TF: variants seen among roughly 807,000 people sequenced by gnomAD.
TF encodes the protein transferrin.
A neutral mutation model predicts 82.4 loss-of-function variants in TF; 55 were observed. That is an observed-to-expected ratio of 0.67 (90% CI 0.54 to 0.84). TF has a LOEUF of 0.84. Among genes scored for constraint, TF ranks in the 40% least tolerant of loss-of-function variants. The probability of loss-of-function intolerance (pLI) is 0.00; values close to 1 mark genes in which losing one functional copy is unlikely to be tolerated. For missense variants in TF, 737 were observed against 868.4 expected, an observed-to-expected ratio of 0.85 and a Z score of 1.90; for synonymous variants, 332 against 332.6, an observed-to-expected ratio of 1.00 and a Z score of 0.02.
rs1304527527 is a variant in TF, at chr3:133,785,368, C to T, written c.*6748C>T. ...GAGGTGGGGGGGTCAGCCCCCCGCC[C>T]GGCCAGCCGCCCTGTCCGGGAGGGA... On this transcript the variant is annotated 3_prime_UTR_variant, in exon 17 of 17. Transcript: ENST00000402696. 9.3e-5 allele frequency: 10 copies of T among 107,652 alleles called. No individual in the cohort carries two copies. The highest frequency in any genetic ancestry group is 3.4e-4 in the East Asian group (1 of 2,976). The allele number at this position is 107,652 out of a possible 1,614,324, so 6.7% of individuals were successfully genotyped here. A position where few individuals can be genotyped will look rare whatever the true frequency, so the allele number is the denominator to read the frequency against.
intron 5 of TF, 52 bp downstream of exon 5, chr3:133,755,547 G>A: frequency 1.2e-6 from 2 of 1,611,292 alleles, no homozygotes; most frequent in Non-Finnish European, 1.7e-6. Flanking sequence ...AATGTCCTCA[G>A]GGTGAGAGTT....
At chr3:133,716,537 G>A in the TF span, among the ~76,000 whole-genome samples, 4 of 151,914 alleles carry the variant, frequency 2.6e-5, no homozygotes, top group Non-Finnish European at 4.4e-5. Flanking sequence ...ATCCAGAATC[G>A]ATCTCTCTGC....
Position 133,768,173 on chromosome 3 carries a change from T to G in TF, c.1622+9T>G. ...TACACAGGCGCTTTCAGGTGAGTCTTTTAACCCTGAAACAAATAGAATAAT... is the reference window on the plus strand; with the variant it reads ...TACACAGGCGCTTTCAGGTGAGTCTGTTAACCCTGAAACAAATAGAATAAT... On this transcript the variant is annotated intron_variant, in intron 13 of 16. Transcript: ENST00000402696. The G allele has an allele frequency of 6.2e-7, 1 of 1,614,184 alleles. No individual in the cohort carries two copies. Among genetic ancestry groups the G allele is most frequent in the Non-Finnish European group, 8.5e-7 (1 of 1,180,022 alleles).
the TF span, among the ~76,000 whole-genome samples, chr3:133,669,773 T>C: frequency 6.6e-6 from 1 of 152,350 alleles, no homozygotes; most frequent in South Asian, 2.1e-4. Flanking sequence ...CCAGATGGGC[T>C]TTATGTTACT....
At chr3:133,757,093 T>C in intron 7 of TF, 84 bp downstream of exon 7, 1 of 1,560,804 alleles carries the variant, frequency 6.4e-7, no homozygotes. Flanking sequence ...CTTGTCACTC[T>C]GGAAGTCTGT....
At chr3:133,742,937 T>C (rs1933420783), upstream of TF, among the ~76,000 whole-genome samples, 1 of 152,198 alleles carries the variant, frequency 6.6e-6, no homozygotes, top group African/African-American at 2.4e-5. Context: ...CGGTGAAAGA[T>C]TTGGCTCATG....
chr3:133,682,700 G>A, the TF span, among the ~76,000 whole-genome samples: 2 of 152,060 alleles, frequency 1.3e-5, no homozygotes, highest in Non-Finnish European at 2.9e-5. Context: ...CAAGAAATAT[G>A]GGACTATGTG....
chr3:133,712,488 T>G, the TF span, among the ~76,000 whole-genome samples: 1 of 151,994 alleles, frequency 6.6e-6, no homozygotes, highest in Non-Finnish European at 1.5e-5. Flanking sequence ...TCCCCTTTAC[T>G]TAGCTCCAGC....
At chr3:133,763,421 T>C (rs1934045126) in intron 9 of TF, among the ~76,000 whole-genome samples, 1 of 152,252 alleles carries the variant, frequency 6.6e-6, no homozygotes, top group Non-Finnish European at 1.5e-5. Flanking sequence ...AAGACTGATA[T>C]CTATTCCATA....
the TF span, among the ~76,000 whole-genome samples, chr3:133,720,730 T>C: frequency 6.6e-6 from 1 of 152,250 alleles, no homozygotes; most frequent in East Asian, 1.9e-4. Flanking sequence ...GGTCCTGGGC[T>C]TTTCTTTGAT....
At chr3:133,696,150 C>T in the TF span, among the ~76,000 whole-genome samples, 1 of 152,062 alleles carries the variant, frequency 6.6e-6, no homozygotes, top group Non-Finnish European at 1.5e-5. Context: ...TTTGGCTGGG[C>T]AGAGTGACTC....
rs1177078956 is a variant in TF, at chr3:133,785,503, T to G, written c.*6883T>G. The G allele has an allele frequency of 9.1e-5, 8 of 88,396 alleles. No homozygotes were observed. The highest frequency in any genetic ancestry group is 1.2e-4 in the Non-Finnish European group (5 of 42,668). 5.5% of individuals were successfully genotyped at this position (88,396 alleles called of 1,614,324 possible). A position where few individuals can be genotyped will look rare whatever the true frequency, so the allele number is the denominator to read the frequency against. On this transcript the variant is annotated 3_prime_UTR_variant, in exon 17 of 17. Transcript: ENST00000402696. The stretch of plus-strand genomic sequence containing the variant: ...CCGTCCGGGAGGGAGGTGGGGGGGG[T>G]CAGCCCCCCTGCCCGGCCAGTGGCC...
Position 133,755,762 on chromosome 3 carries a change from C to T in TF, c.635+267C>T, listed in dbSNP as rs543400666. 37 of 543,082 alleles carry T rather than the reference C, an allele frequency of 6.8e-5. 1 individual carries two copies. Among genetic ancestry groups the T allele is most frequent in the South Asian group, 4.0e-4 (20 of 49,742 alleles). 33.6% of individuals were successfully genotyped at this position (543,082 alleles called of 1,614,324 possible). Reference sequence around the variant, plus strand: ...CTCAAGCCTGGTCAGTGTCTCCTCTCGGTGGATCGGGCAGAGCCTGAAAGG... The same window carrying T: ...CTCAAGCCTGGTCAGTGTCTCCTCTTGGTGGATCGGGCAGAGCCTGAAAGG... On this transcript the variant is annotated intron_variant, in intron 5 of 16. Transcript: ENST00000402696.
the TF span, among the ~76,000 whole-genome samples, chr3:133,705,705 T>G: frequency 4.6e-5 from 7 of 152,376 alleles, no homozygotes; most frequent in Non-Finnish European, 8.8e-5. Flanking sequence ...TTTAATGTCA[T>G]GTACCTTGAT....
chr3:133,740,657 T>C, the TF span, among the ~76,000 whole-genome samples: 2 of 152,094 alleles, frequency 1.3e-5, no homozygotes, highest in Non-Finnish European at 2.9e-5. Context: ...TTACAAACTT[T>C]AGAATTATGT....
At chr3:133,726,551 C>T in the TF span, among the ~76,000 whole-genome samples, 1 of 151,882 alleles carries the variant, frequency 6.6e-6, no homozygotes, top group Non-Finnish European at 1.5e-5. Flanking sequence ...TCTCTCTTTT[C>T]TTCTTTATTA....
rs1371383891 is a variant in TF at position 133,790,240 on chromosome 3, T to C, written c.*11620T>C. 6.6e-6 allele frequency: 1 copy of C among 152,198 alleles called. No individual in the cohort carries two copies. Among genetic ancestry groups the C allele is most frequent in the Admixed American group, 6.5e-5 (1 of 15,284 alleles). 9.4% of individuals were successfully genotyped at this position (152,198 alleles called of 1,614,324 possible). On this transcript the variant is annotated 3_prime_UTR_variant, in exon 17 of 17. Transcript: ENST00000402696. ...AGAAAGGTTGTGATATGGGGAAATA[T>C]GTTTCTAAAATTGTGGAATTGTTCT... is the stretch of plus-strand genomic sequence containing the variant.
the TF span, among the ~76,000 whole-genome samples, chr3:133,702,704 G>A: frequency 8.6e-5 from 13 of 151,922 alleles, no homozygotes; most frequent in Admixed American, 8.5e-4. Flanking sequence ...TTTATGAGCA[G>A]AACTATTTTT....
the TF span, among the ~76,000 whole-genome samples, chr3:133,725,263 C>T: frequency 4.6e-5 from 7 of 152,270 alleles, no homozygotes; most frequent in South Asian, 1.2e-3. Flanking sequence ...GCCATTTTCA[C>T]GATATTGATT....
Sources: gnomAD v4.1 joint callset for allele counts (sites outside exome capture counted in the v4.1 genomes callset) on GRCh38, gnomAD v4.1.1 for gene constraint, MANE v1.5 for transcripts, NCBI Gene and HGNC (gene_info 2026-07-23, HGNC 2026-07-21) for gene names.